DNAH12: variants seen among roughly 807,000 people sequenced by gnomAD.
DNAH12 encodes the protein dynein axonemal heavy chain 12, also known as axonemal beta dynein heavy chain 12.
A neutral mutation model predicts 371.5 loss-of-function variants in DNAH12; 285 were observed. The observed-to-expected ratio is 0.77, with a 90% CI of 0.70 to 0.85. The LOEUF (loss-of-function observed/expected upper bound fraction) is 0.85. Among genes scored for constraint, DNAH12 ranks in the 40% least tolerant of loss-of-function variants. The pLI, the probability that DNAH12 is intolerant of heterozygous loss-of-function variation, is 0.00. For missense variants in DNAH12, 3,611 were observed against 3,689.4 expected, an observed-to-expected ratio of 0.98 and a Z score of 0.55; for synonymous variants, 1,200 against 1,213.0, an observed-to-expected ratio of 0.99 and a Z score of 0.22.
At chr3:57,317,304 ATGT>A (rs2061707128) in intron 65 of DNAH12, among the ~76,000 whole-genome samples, 1 of 152,196 alleles carries the variant, frequency 6.6e-6, no homozygotes, top group South Asian at 2.1e-4. Flanking sequence ...TATAAGGACA[ATGT>A]TGTACAGCTA....
In DNAH12 at chr3:57,429,740, G is replaced by T; in HGVS notation, c.5015C>A (p.Ser1672Tyr). The T allele has an allele frequency of 6.5e-7, 1 of 1,531,154 alleles. No homozygotes were observed. The highest frequency in any genetic ancestry group is 8.8e-7 in the Non-Finnish European group (1 of 1,139,916). 94.8% of individuals were successfully genotyped at this position (1,531,154 alleles called of 1,614,324 possible). Residue 1672 changes from serine to tyrosine, a missense_variant, in exon 33 of 74, where the codon TCC (serine) becomes TAC (tyrosine). Ser to Tyr is a moderately radical substitution (Grantham distance 144). Around this residue, in one of 3 missense-constraint regions of DNAH12, gnomAD observed 2,266 missense variants for 2,236.9 expected, o/e 1.01. Transcript: ENST00000495027. ...CLMSGEIIQMSPQMSLIFETM... is the reference protein window; with the variant it reads ...CLMSGEIIQMYPQMSLIFETM... ...TTCAAAGATGAGGCTCATTTGGGGG[G>T]ACATCTGAATGATTTCTCCACTCAT...
chr3:57,329,245 C>T (rs1275755002), intron 62 of DNAH12, among the ~76,000 whole-genome samples: 4 of 140,502 alleles, frequency 2.8e-5, no homozygotes, highest in Non-Finnish European at 6.0e-5. Context: ...AAAGAGCCTG[C>T]ATTGCCAAGT....
intron 67 of DNAH12, 136 bp from the exon 68 acceptor site, chr3:57,309,990 C>G (rs2061554304): frequency 7.4e-6 from 5 of 672,186 alleles, no homozygotes; most frequent in Non-Finnish European, 1.1e-5. Flanking sequence ...TTAACAGATA[C>G]AGAAAGAGGT....
chr3:57,343,942 T>C (rs1258334794), intron 60 of DNAH12, among the ~76,000 whole-genome samples: 11 of 152,192 alleles, frequency 7.2e-5, no homozygotes, highest in African/African-American at 2.7e-4. Flanking sequence ...ATAGATTCTT[T>C]TGCTCACATG....
chr3:57,427,056 T>C (rs568751143), intron 34 of DNAH12, among the ~76,000 whole-genome samples: 6 of 152,216 alleles, frequency 3.9e-5, no homozygotes, highest in African/African-American at 1.4e-4. Flanking sequence ...CACTTTTTTC[T>C]ATGCCTAGAA....
chr3:57,390,424 A>AAAATATATATATATATATAT, intron 45 of DNAH12, among the ~76,000 whole-genome samples: 1 of 33,436 alleles, frequency 3.0e-5, no homozygotes, highest in Admixed American at 5.6e-4. Context: ...AAAAAAAAAA[A>AAAATATATATATATATATAT]ATATATATAT....
intron 11 of DNAH12, among the ~76,000 whole-genome samples, chr3:57,492,539 C>T (rs1198195548): frequency 6.6e-6 from 1 of 151,920 alleles, no homozygotes; most frequent in East Asian, 1.9e-4. Flanking sequence ...AAATTTCCCC[C>T]AAAATAGGCA....
chr3:57,508,170 G>A (rs1575704643), intron 7 of DNAH12, among the ~76,000 whole-genome samples: 1 of 132,822 alleles, frequency 7.5e-6, no homozygotes, highest in Non-Finnish European at 1.5e-5. Context: ...CTGGATGACA[G>A]AGCAAGACTC....
At chr3:57,509,330 GA>G in intron 5 of DNAH12, 118 bp from the exon 6 acceptor site, 1 of 925,324 alleles carries the variant, frequency 1.1e-6, no homozygotes, top group South Asian at 1.9e-5. Flanking sequence ...AGGAATGTAA[GA>G]AAAAACTCCT....
At chr3:57,396,730 C>T (rs1254981291) in intron 43 of DNAH12, among the ~76,000 whole-genome samples, 1 of 152,242 alleles carries the variant, frequency 6.6e-6, no homozygotes, top group Non-Finnish European at 1.5e-5. Context: ...TTCTACCACA[C>T]TTGGCTAATT....
chr3:57,508,666 G>A, intron 6 of DNAH12, 126 bp from the exon 7 acceptor site: 4 of 1,005,166 alleles, frequency 4.0e-6, no homozygotes, highest in Admixed American at 3.2e-5. Flanking sequence ...AGGGAGCTGT[G>A]GTCAGCAATG....
intron 59 of DNAH12, among the ~76,000 whole-genome samples, chr3:57,355,184 TAACTC>T (rs1559582756): frequency 2.0e-5 from 3 of 152,192 alleles, no homozygotes; most frequent in Non-Finnish European, 4.4e-5. Flanking sequence ...AATCTACACT[TAACTC>T]AAAATTAAAA....
chr3:57,334,564 GT>G lies in DNAH12; in HGVS notation c.9878del (p.Asp3293AlafsTer18), dbSNP rs767764656. ...EHIYEWREIY[D>X]SKEPHNAKFP... ...ATTTAGCATTATGTGGCTCTTTACT[GT>G]CATAGATTTCTCGCCATTCATATAT... On this transcript the variant is annotated frameshift_variant, in exon 62 of 74. Coordinates refer to ENST00000495027, the MANE Select transcript of DNAH12 (RefSeq NM_001366028.2). LOFTEE classifies it high-confidence loss of function. 5.8e-5 allele frequency: 90 copies of G among 1,550,126 alleles called. No homozygotes were observed. Among genetic ancestry groups the G allele is most frequent in the Middle Eastern group, 1.7e-4 (1 of 6,010 alleles).
intron 11 of DNAH12, among the ~76,000 whole-genome samples, chr3:57,491,202 G>A (rs2067114569): frequency 1.3e-5 from 2 of 151,312 alleles, no homozygotes; most frequent in Admixed American, 6.6e-5. Context: ...AATATATACA[G>A]TATGATACCT....
rs189285085 is a variant in DNAH12, at chr3:57,468,722, A to G, written c.2349+14T>C. On this transcript the variant is annotated intron_variant, in intron 17 of 73. Transcript: ENST00000495027. ...ATAGCTATAATATTAAAATGTTATT[A>G]TATATATTTATACCTTAAAAGCTTT... 69 of 1,318,956 alleles carry G rather than the reference A, an allele frequency of 5.2e-5. No homozygotes were observed. Among genetic ancestry groups the G allele is most frequent in the Admixed American group, 4.0e-4 (11 of 27,186 alleles). The allele number at this position is 1,318,956 out of a possible 1,614,324, so 81.7% of individuals were successfully genotyped here. A position where few individuals can be genotyped will look rare whatever the true frequency, so the allele number is the denominator to read the frequency against.
rs186030041 is a variant in DNAH12 at position 57,485,332 on chromosome 3, G to A, written c.1515-1821C>T. Among the ~76,000 whole-genome samples, 909 of 152,272 alleles carry A rather than the reference G, an allele frequency of 6.0e-3. 6 individuals carry two copies. The highest frequency in any genetic ancestry group is 0.017 in the Middle Eastern group (5 of 294). On this transcript the variant is annotated intron_variant, in intron 12 of 73. Transcript: ENST00000495027. ...GAAAATGTGGTATATAGACACCACG[G>A]AATACTACTTAGCCATAAAAAGGAA...
Position 57,513,602 on chromosome 3 carries a change from A to G in DNAH12, c.280-2623T>C, listed in dbSNP as rs185809935. The stretch of plus-strand genomic sequence containing the variant: ...TCACAATTTATAAACATTTAGGGGG[A>G]AATAACATCAAAACTACAACAGAAA... On this transcript the variant is annotated intron_variant, in intron 4 of 73. Coordinates refer to ENST00000495027, the MANE Select transcript of DNAH12 (RefSeq NM_001366028.2). Among the ~76,000 whole-genome samples, 249 of 152,304 alleles carry G rather than the reference A, an allele frequency of 1.6e-3. 1 individual carries two copies. Among genetic ancestry groups the G allele is most frequent in the Non-Finnish European group, 2.7e-3 (184 of 68,032 alleles).
intron 4 of DNAH12, among the ~76,000 whole-genome samples, chr3:57,514,119 T>A (rs1245462232): frequency 6.6e-6 from 1 of 151,922 alleles, no homozygotes; most frequent in Admixed American, 6.6e-5. Flanking sequence ...TGCGGCCGGG[T>A]GCAGTGGCTC....
intron 29 of DNAH12, among the ~76,000 whole-genome samples, chr3:57,439,363 A>T (rs2065235371): frequency 1.3e-5 from 2 of 152,238 alleles, no homozygotes; most frequent in South Asian, 4.1e-4. Context: ...GACACAGACC[A>T]ATAGAATGAC....
Sources: gnomAD v4.1 joint callset for allele counts (sites outside exome capture counted in the v4.1 genomes callset) on GRCh38, gnomAD v4.1.1 for gene constraint, gnomAD v4.1.1 regional missense constraint, MANE v1.5 for transcripts, NCBI Gene and HGNC (gene_info 2026-07-23, HGNC 2026-07-21) for gene names.